F8: variants seen among roughly 807,000 people sequenced by gnomAD.
F8 encodes antihemophilic factor.
In F8, 12 loss-of-function variants were observed where a neutral mutation model predicts 140.6. That is an observed-to-expected ratio of 0.09 (90% confidence interval 0.05 to 0.14). The LOEUF (loss-of-function observed/expected upper bound fraction) is 0.14. Ranked by LOEUF, F8 falls within the 10% of genes least tolerant of loss-of-function variation. The pLI, the probability that F8 is intolerant of heterozygous loss-of-function variation, is 1.00. For synonymous variants in F8, 585 were observed against 614.6 expected (o/e 0.95, Z 0.71); for missense variants, 1,354 against 1,720.7 (o/e 0.79, Z 3.77).
intron 22 of F8, among the ~76,000 whole-genome samples, chrX:154,863,842 T>C (rs1268526540): frequency 2.7e-5 from 3 of 111,030 alleles, no homozygotes; most frequent in Admixed American, 9.5e-5. Context: ...CCTGGGGACT[T>C]AGCTCCAGAG....
chrX:154,941,590 A>T (rs1466057633), intron 13 of F8, among the ~76,000 whole-genome samples: 1 of 111,532 alleles, frequency 9.0e-6, no homozygotes, highest in Non-Finnish European at 1.9e-5. Flanking sequence ...CCCCACTGTC[A>T]ACATTAGACA....
In F8 at chrX:154,910,812, G is replaced by C. The variant is rs181385030; in HGVS notation, c.5220-4239C>G. On this transcript the variant is annotated intron_variant, in intron 14 of 25. Coordinates refer to ENST00000360256, the MANE Select transcript of F8 (RefSeq NM_000132.4). ...GAAGTCCTCTTTGCAGTTGAGATAA[G>C]AGGAAGGCATCTGTCTCCTGCTCGT... is the stretch of plus-strand genomic sequence containing the variant. 3.6e-5 allele frequency among the ~76,000 whole-genome samples: 4 copies of C among 109,821 alleles called. No homozygotes were observed. In the East Asian group the frequency reaches 8.6e-4, roughly 24 times the overall value.
Position 154,841,237 on chromosome X carries a change from A to C in F8, c.6901-3485T>G, listed in dbSNP as rs112099339. ...TTTTTTTTTTTTTTTTTTTTGAGAC[A>C]GGGTTTCTCTCTGGAGCAAGGTTGG... On this transcript the variant is annotated intron_variant, in intron 25 of 25. Coordinates refer to ENST00000360256, the MANE Select transcript of F8 (RefSeq NM_000132.4). 9.6e-3 allele frequency among the ~76,000 whole-genome samples: 823 copies of C among 85,730 alleles called. 13 individuals carry two copies. The highest frequency in any genetic ancestry group is 0.036 in the African/African-American group (785 of 21,549). 74.4% of individuals were successfully genotyped at this position (85,730 alleles called of 115,157 possible).
intron 14 of F8, among the ~76,000 whole-genome samples, chrX:154,927,221 A>C (rs1289561529): frequency 8.9e-6 from 1 of 111,819 alleles, no homozygotes; most frequent in Non-Finnish European, 1.9e-5. Context: ...AGAGGAGAGA[A>C]TGGCAGGAAA....
chrX:154,912,987 T>C (rs2073076100), intron 14 of F8, among the ~76,000 whole-genome samples: 1 of 110,264 alleles, frequency 9.1e-6, no homozygotes, highest in African/African-American at 3.3e-5. Flanking sequence ...TCCTACTGGG[T>C]CCCTCCCATG....
chrX:154,864,081 C>G (rs2072714143), intron 22 of F8, among the ~76,000 whole-genome samples: 2 of 112,535 alleles, frequency 1.8e-5, no homozygotes, highest in Admixed American at 1.9e-4. Context: ...CCAACTAGAC[C>G]TGACTGTGGA....
intron 1 of F8, among the ~76,000 whole-genome samples, chrX:155,016,231 C>CAA (rs1302435137): frequency 4.6e-4 from 35 of 75,916 alleles, no homozygotes; most frequent in African/African-American, 1.7e-3. Context: ...GATTCCATCT[C>CAA]AAAAAAAAAA....
chrX:154,896,002 G>A, intron 22 of F8, 75 bp downstream of exon 22: 3 of 990,651 alleles, frequency 3.0e-6, no homozygotes, highest in South Asian at 3.8e-5. Flanking sequence ...AGCTAAGAGT[G>A]TTTGTCCAAT....
chrX:155,016,861 T>C (rs782473565), intron 1 of F8, among the ~76,000 whole-genome samples: 1 of 112,492 alleles, frequency 8.9e-6, no homozygotes, highest in Non-Finnish European at 1.9e-5. Context: ...ATATTTAAAA[T>C]TGATGAGCTT....
intron 10 of F8, among the ~76,000 whole-genome samples, chrX:154,958,132 T>A (rs1229126460): frequency 3.6e-5 from 4 of 111,202 alleles, no homozygotes; most frequent in Non-Finnish European, 7.5e-5. Flanking sequence ...GTATGGTTTC[T>A]TTAGAGTTAC....
chrX:154,984,605 C>G (rs1198090393), intron 6 of F8, 82 bp downstream of exon 6: 2 of 707,517 alleles, frequency 2.8e-6, no homozygotes, highest in Non-Finnish European at 4.6e-6. Context: ...TCTGAGATGC[C>G]GAGCTGTTTG....
chrX:155,020,257 G>A (rs186264238), intron 1 of F8, among the ~76,000 whole-genome samples: 212 of 112,146 alleles, frequency 1.9e-3, no homozygotes, highest in Middle Eastern at 4.7e-3. Flanking sequence ...TTTATATGAT[G>A]AATGTGTTGA....
At chrX:154,852,720 T>A (rs1471174594) in intron 25 of F8, among the ~76,000 whole-genome samples, 1 of 106,431 alleles carries the variant, frequency 9.4e-6, no homozygotes, top group African/African-American at 3.4e-5. Context: ...TTAGGATAGA[T>A]TTTTCTATTC....
At chrX:155,006,068 T>C (rs1557286048) in intron 1 of F8, among the ~76,000 whole-genome samples, 3 of 112,625 alleles carry the variant, frequency 2.7e-5, no homozygotes, top group East Asian at 2.8e-4. Context: ...TTTTTATTCA[T>C]GTGCTTAAAA....
At chrX:155,003,687 G>A (rs2073660212) in intron 1 of F8, among the ~76,000 whole-genome samples, 3 of 111,647 alleles carry the variant, frequency 2.7e-5, no homozygotes, top group South Asian at 3.7e-4. Context: ...AGCTGGGCGC[G>A]GTGGCTCACG....
intron 22 of F8, among the ~76,000 whole-genome samples, chrX:154,867,690 C>CAAAAAA (rs373471645): frequency 1.2e-4 from 5 of 41,822 alleles, no homozygotes; most frequent in Non-Finnish European, 1.8e-4. Context: ...GACTCTGTCT[C>CAAAAAA]AAAAAAAAAA....
rs200811289 is a variant in F8, at chrX:154,942,672, C to T, written c.2113+5026G>A. Reference sequence around the variant, plus strand: ...ATCCTCCTGAACTCATTTTATGAGGCCAGCATCATCCTGATACCAAAGCCG... The same window carrying T: ...ATCCTCCTGAACTCATTTTATGAGGTCAGCATCATCCTGATACCAAAGCCG... On this transcript the variant is annotated intron_variant, in intron 13 of 25. Coordinates refer to ENST00000360256, the MANE Select transcript of F8 (RefSeq NM_000132.4). Among the ~76,000 whole-genome samples, 24 of 111,109 alleles carry T rather than the reference C, an allele frequency of 2.2e-4. No individual in the cohort carries two copies. The East Asian group carries it at 6.2e-3, about 29-fold the overall frequency.
chrX:154,863,246 A>C lies in F8; in HGVS notation c.6430-19T>G. The C allele has an allele frequency of 8.3e-7, 1 of 1,200,851 alleles. No homozygotes were observed. The highest frequency in any genetic ancestry group is 1.8e-5 in the South Asian group (1 of 56,784). On this transcript the variant is annotated intron_variant, in intron 22 of 25. Coordinates refer to ENST00000360256, the MANE Select transcript of F8 (RefSeq NM_000132.4). ...AGAAGACCTGTATGGAGAGATTAGC[A>C]CAAATACATGGAAAGTGAATACAGA... is the stretch of plus-strand genomic sequence containing the variant.
intron 1 of F8, among the ~76,000 whole-genome samples, chrX:155,022,170 C>T (rs1422679391): frequency 3.6e-5 from 4 of 111,717 alleles, no homozygotes; most frequent in African/African-American, 1.3e-4. Flanking sequence ...CAGCATATGA[C>T]GAAGAGAAGC....
Sources: gnomAD v4.1 joint callset for allele counts (sites outside exome capture counted in the v4.1 genomes callset) on GRCh38, gnomAD v4.1.1 for gene constraint, MANE v1.5 for transcripts, NCBI Gene and HGNC (gene_info 2026-07-23, HGNC 2026-07-21) for gene names.